Variants in IGSF9B observed in about 807,000 individuals in gnomAD.
IGSF9B encodes the protein immunoglobulin superfamily member 9B.
A neutral mutation model predicts 143.7 loss-of-function variants in IGSF9B; 48 were observed. The observed-to-expected ratio is 0.33, with a 90% CI of 0.26 to 0.42. IGSF9B has a LOEUF of 0.42. Among genes scored for constraint, IGSF9B ranks in the 20% least tolerant of loss-of-function variants. The probability of loss-of-function intolerance (pLI) is 1.00; values close to 1 mark genes in which losing one functional copy is unlikely to be tolerated. For missense variants in IGSF9B, 1,706 were observed against 1,980.0 expected (o/e 0.86, Z 2.63); for synonymous variants, 903 against 833.1 (o/e 1.08, Z -1.44).
At chr11:133,940,755 G>T (rs1203652819) in intron 3 of IGSF9B, among the ~76,000 whole-genome samples, 3 of 148,302 alleles carry the variant, frequency 2.0e-5, no homozygotes, top group Non-Finnish European at 4.5e-5. Context: ...CACCTTGCAC[G>T]TCCTCACACG....
At position 133,903,465 on chromosome 11, in the gene IGSF9B, C is replaced by T. The variant is rs186007232; in HGVS notation, c.*5604G>A. ...CTTCTACACCGCAGAAGACAACACC[C>T]ATGTGATTTTAATGACTGGCCACTG... is the stretch of plus-strand genomic sequence containing the variant. On this transcript the variant is annotated 3_prime_UTR_variant, in exon 20 of 20. Transcript: ENST00000533871. Among the ~76,000 whole-genome samples, 1 of 152,318 alleles carries T rather than the reference C, an allele frequency of 6.6e-6. No homozygotes were observed. The highest frequency in any genetic ancestry group is 2.4e-5 in the African/African-American group (1 of 41,568).
chr11:133,948,828 G>C lies in IGSF9B; in HGVS notation c.65-2570C>G, dbSNP rs1471422195. 1.3e-5 allele frequency among the ~76,000 whole-genome samples: 2 copies of C among 152,178 alleles called. No individual in the cohort carries two copies. The highest frequency in any genetic ancestry group is 2.9e-5 in the Non-Finnish European group (2 of 68,018). On this transcript the variant is annotated intron_variant, in intron 1 of 19. Coordinates refer to ENST00000533871, the MANE Select transcript of IGSF9B (RefSeq NM_001277285.4). The surrounding 1 kb of genome is among the most constrained non-coding windows in gnomAD (Gnocchi z 4.7). ...GGCAGGAGGAACAGAGGCCTAGGGG[G>C]ACAGCAGGCACCTCCAACAGTGGAG...
Position 133,920,312 on chromosome 11 carries a change from G to C in IGSF9B, c.3413C>G (p.Thr1138Arg). The C allele has an allele frequency of 6.4e-7, 1 of 1,572,444 alleles. No individual in the cohort carries two copies. The highest frequency in any genetic ancestry group is 8.6e-7 in the Non-Finnish European group (1 of 1,159,744). ...PLVSQGQLRHTSQGMGIPVLP... is the reference protein window; with the variant it reads ...PLVSQGQLRHRSQGMGIPVLP... ...CACAGGTATGCCCATGCCTTGGCTT[G>C]TATGTCGCAGCTGCCCTTGGCTTAC... The change falls in exon 18 of 20, where the codon ACA (threonine) becomes AGA (arginine). Residue 1138 changes from threonine (T) to arginine (R), a missense_variant. Physicochemically the swap from Thr to Arg is moderately conservative, Grantham distance 71 (BLOSUM62 -1). This residue lies in a region of IGSF9B where 880 missense variants were observed against 762.9 expected (regional missense o/e 1.15). Transcript: ENST00000533871.
In IGSF9B at chr11:133,920,458, C is replaced by T. The variant is rs1360927863; in HGVS notation, c.3267G>A (p.Ala1089=). 1.3e-6 allele frequency: 2 copies of T among 1,565,858 alleles called. No homozygotes were observed. Among genetic ancestry groups the T allele is most frequent in the Non-Finnish European group, 1.7e-6 (2 of 1,155,678 alleles). ...CCAGAGACAGGATGCCCGGGTAGGC[C>T]GCGGGCACCTGCAGGGAGGTGGGGG... is the stretch of plus-strand genomic sequence containing the variant. ...GLPPTSLQVP[A]AYPGILSLEA... The change falls in exon 18 of 20, where the codon GCG becomes GCA. Residue 1089 remains alanine (A), a synonymous_variant. Transcript: ENST00000533871.
chr11:133,915,006 G>A (rs2121275410), intron 18 of IGSF9B, among the ~76,000 whole-genome samples: 1 of 152,232 alleles, frequency 6.6e-6, no homozygotes. Flanking sequence ...TCAGCTGTCA[G>A]GTAAATCTAA....
Position 133,953,806 on chromosome 11 carries a change from G to A in IGSF9B, c.64+2885C>T, listed in dbSNP as rs938934020. The stretch of plus-strand genomic sequence containing the variant: ...ACTCCCCCGGGCTGGCTCAGCAGCC[G>A]TCTGAGATACTGAGTGCACACCAAT... On this transcript the variant is annotated intron_variant, in intron 1 of 19. Transcript: ENST00000533871. The surrounding 1 kb of genome is among the most constrained non-coding windows in gnomAD (Gnocchi z 4.2). 6.6e-6 allele frequency among the ~76,000 whole-genome samples: 1 copy of A among 152,038 alleles called. No individual in the cohort carries two copies. The highest frequency in any genetic ancestry group is 1.5e-5 in the Non-Finnish European group (1 of 67,992).
chr11:133,949,637 GAC>G (rs1368070235), intron 1 of IGSF9B, among the ~76,000 whole-genome samples: 4 of 151,930 alleles, frequency 2.6e-5, no homozygotes, highest in African/African-American at 9.7e-5. Context: ...AGGCCAGCTG[GAC>G]ACAGACACAC....
chr11:133,941,309 C>G (rs190154476), intron 3 of IGSF9B, among the ~76,000 whole-genome samples: 42 of 152,302 alleles, frequency 2.8e-4, no homozygotes, highest in Non-Finnish European at 5.3e-4. Flanking sequence ...TTGGCTCAGG[C>G]TTTTGGGGTA....
intron 18 of IGSF9B, among the ~76,000 whole-genome samples, chr11:133,916,625 G>A (rs1219744673): frequency 6.6e-6 from 1 of 152,226 alleles, no homozygotes; most frequent in Admixed American, 6.5e-5. Context: ...CCTGGTTTCT[G>A]GGTTTGCCAC....
chr11:133,899,491 GC>G lies in IGSF9B; in HGVS notation c.*9577del, dbSNP rs1939081668. 1 of 152,326 alleles carries G rather than the reference GC, an allele frequency of 6.6e-6. No homozygotes were observed. Among genetic ancestry groups the G allele is most frequent in the Non-Finnish European group, 1.5e-5 (1 of 68,120 alleles). 9.4% of individuals were successfully genotyped at this position (152,326 alleles called of 1,614,324 possible). Reference sequence around the variant, plus strand: ...GTACAATTTCAAGGTAGGGGCTATGGCCCCATCTTCCCTTTCCCTCCCCAAA... The same window carrying G: ...GTACAATTTCAAGGTAGGGGCTATGGCCCATCTTCCCTTTCCCTCCCCAAA... On this transcript the variant is annotated 3_prime_UTR_variant, in exon 20 of 20. Transcript: ENST00000533871.
At chr11:133,935,814 C>G in intron 6 of IGSF9B, 52 bp from the exon 7 acceptor site, 1 of 1,585,358 alleles carries the variant, frequency 6.3e-7, no homozygotes, top group South Asian at 1.1e-5. Context: ...GGGATCTTGC[C>G]GCAGACACAC....
chr11:133,937,285 T>G lies in IGSF9B; in HGVS notation c.679+91A>C, dbSNP rs1223602378. ...CGCCTGCACCTCCACTAGCCCCAGC[T>G]GAGCCCTGGGAAAACGCCCTCCGTA... is the stretch of plus-strand genomic sequence containing the variant. On this transcript the variant is annotated intron_variant, in intron 5 of 19. Transcript: ENST00000533871. 5.5e-6 allele frequency: 5 copies of G among 910,008 alleles called. No homozygotes were observed. In the East Asian group the frequency reaches 1.3e-4, roughly 24 times the overall value. 56.4% of individuals were successfully genotyped at this position (910,008 alleles called of 1,614,324 possible). A position where few individuals can be genotyped will look rare whatever the true frequency, so the allele number is the denominator to read the frequency against.
At chr11:133,942,788 G>A (rs1451945453) in intron 3 of IGSF9B, among the ~76,000 whole-genome samples, 2 of 152,142 alleles carry the variant, frequency 1.3e-5, no homozygotes, top group Non-Finnish European at 2.9e-5. Context: ...TGACTCAAAA[G>A]CTTACCAGGT....
rs770140795 is a variant in IGSF9B at position 133,920,750 on chromosome 11, A to G, written c.2975T>C (p.Leu992Pro). Reference sequence around the variant, plus strand: ...GGGCGGGGACGACATGACGGAGCTCAGGGGGCTGCCCACTTCTGGCACGTA... The same window carrying G: ...GGGCGGGGACGACATGACGGAGCTCGGGGGGCTGCCCACTTCTGGCACGTA... The part of the protein sequence containing the change: ...PFYVPEVGSP[L>P]SSVMSSPPLP... The change falls in exon 18 of 20, where the codon CTG (leucine) becomes CCG (proline). Residue 992 changes from leucine to proline, a missense_variant. This residue lies in a region of IGSF9B where 880 missense variants were observed against 762.9 expected (regional missense o/e 1.15). Coordinates refer to ENST00000533871, the MANE Select transcript of IGSF9B (RefSeq NM_001277285.4). The G allele has an allele frequency of 3.7e-6, 6 of 1,612,690 alleles. No homozygotes were observed. The South Asian group carries it at 6.6e-5, about 18-fold the overall frequency.
chr11:133,955,723 A>C (rs1400502017), intron 1 of IGSF9B, among the ~76,000 whole-genome samples: 1 of 152,164 alleles, frequency 6.6e-6, no homozygotes, highest in Non-Finnish European at 1.5e-5. Context: ...TGCCACCCAG[A>C]GGCTTGTAGG....
At chr11:133,934,909 C>T (rs1939794157) in intron 7 of IGSF9B, among the ~76,000 whole-genome samples, 1 of 152,232 alleles carries the variant, frequency 6.6e-6, no homozygotes, top group African/African-American at 2.4e-5. Flanking sequence ...GCCTGAGTGA[C>T]AGGGCCATCC....
chr11:133,935,964 G>A, intron 6 of IGSF9B, 89 bp downstream of exon 6: 1 of 1,498,894 alleles, frequency 6.7e-7, no homozygotes, highest in Non-Finnish European at 9.0e-7. Context: ...AGAGCCACGG[G>A]CAGCCTGCCC....
Position 133,927,108 on chromosome 11 carries a change from G to A in IGSF9B, c.1632-17C>T. ...CGCTTCATCCTGGCCAAAAGAGAGA[G>A]ACAGGATAGGGGACGAGGGGCGGGG... On this transcript the variant is annotated splice_polypyrimidine_tract_variant and intron_variant, in intron 12 of 19. Coordinates refer to ENST00000533871, the MANE Select transcript of IGSF9B (RefSeq NM_001277285.4). 1 of 1,537,954 alleles carries A rather than the reference G, an allele frequency of 6.5e-7. No homozygotes were observed.
chr11:133,933,672 C>A (rs988420462), intron 7 of IGSF9B, among the ~76,000 whole-genome samples: 2 of 152,082 alleles, frequency 1.3e-5, no homozygotes, highest in African/African-American at 4.8e-5. Context: ...CACTTGAGCC[C>A]AAGAGTTTGA....
Sources: gnomAD v4.1 joint callset for allele counts (sites outside exome capture counted in the v4.1 genomes callset) on GRCh38, gnomAD v4.1.1 for gene constraint, gnomAD v4.1.1 regional missense constraint, Gnocchi (gnomAD v3.1) non-coding constraint, MANE v1.5 for transcripts, NCBI Gene and HGNC (gene_info 2026-07-23, HGNC 2026-07-21) for gene names.